The following HUWE1 variants were observed in gnomAD, a reference collection of about 807,000 sequenced individuals.
HUWE1 encodes the protein HECT, UBA and WWE domain containing E3 ubiquitin protein ligase 1.
HUWE1 carries 18 observed loss-of-function variants against 299.4 expected under a neutral mutation model. The ratio of observed to expected loss-of-function variants is 0.06; its 90% CI spans 0.04 to 0.09. The LOEUF is 0.09. HUWE1 is among the 10% of genes least tolerant of loss of function. The probability of loss-of-function intolerance (pLI) is 1.00; values close to 1 mark genes in which losing one functional copy is unlikely to be tolerated. For synonymous variants in HUWE1, 1,317 were observed against 1,286.1 expected, an observed-to-expected ratio of 1.02 and a Z score of -0.51; for missense variants, 1,832 against 3,462.3, an observed-to-expected ratio of 0.53 and a Z score of 11.82.
At chrX:53,546,213 G>A (rs1369558209) in intron 70 of HUWE1, among the ~76,000 whole-genome samples, 2 of 111,036 alleles carry the variant, frequency 1.8e-5, no homozygotes, top group African/African-American at 3.3e-5. Context: ...GCCGGGCAGC[G>A]GGGATGAGGA....
rs2062687379 is a variant in HUWE1, at chrX:53,568,790, C to T, written c.6609G>A (p.Lys2203=). 1 of 1,210,035 alleles carries T rather than the reference C, an allele frequency of 8.3e-7. No homozygotes were observed. Among genetic ancestry groups the T allele is most frequent in the Non-Finnish European group, 1.1e-6 (1 of 894,434 alleles). Residue 2203 remains lysine (K), a synonymous_variant, in exon 49 of 84, where the codon AAG becomes AAA. Transcript: ENST00000262854. ...TSSFYSSATA[K]TQHNGMNNII... is the part of the protein sequence containing the mutation. Reference sequence around the variant, plus strand: ...TGTTGTTCATGCCATTGTGCTGGGTCTTCGCTGTGGCACTGCTGTAGAAGC... The same window carrying T: ...TGTTGTTCATGCCATTGTGCTGGGTTTTCGCTGTGGCACTGCTGTAGAAGC...
chrX:53,683,674 T>A (rs1557054423), intron 2 of HUWE1, among the ~76,000 whole-genome samples: 1 of 111,867 alleles, frequency 8.9e-6, no homozygotes, highest in East Asian at 2.8e-4. Context: ...GGTCTTCGCC[T>A]CAGGTCTAGT....
At chrX:53,576,779 C>A in intron 44 of HUWE1, 121 bp downstream of exon 44, 1 of 667,450 alleles carries the variant, frequency 1.5e-6, no homozygotes, top group Non-Finnish European at 2.4e-6. Context: ...TCTTATTCAT[C>A]TTGAGCCCCA....
In HUWE1 at chrX:53,546,423, C is replaced by T; in HGVS notation, c.10915+13G>A. The T allele has an allele frequency of 8.3e-7, 1 of 1,204,688 alleles. No individual in the cohort carries two copies. Among genetic ancestry groups the T allele is most frequent in the Non-Finnish European group, 1.1e-6 (1 of 890,161 alleles). On this transcript the variant is annotated intron_variant, in intron 70 of 83. Coordinates refer to ENST00000262854, the MANE Select transcript of HUWE1 (RefSeq NM_031407.7). ...ACCTTCAGAAAGAGAAAATGCTTTA[C>T]TTCTGCTATTACCTATTTGTTTACA...
At chrX:53,584,716 T>G (rs952734608) in intron 40 of HUWE1, among the ~76,000 whole-genome samples, 1 of 111,297 alleles carries the variant, frequency 9.0e-6, no homozygotes, top group Admixed American at 9.5e-5. Context: ...TAATGGTAAC[T>G]CTCCTCCTCC....
chrX:53,567,964 G>T (rs2062647340), intron 49 of HUWE1, among the ~76,000 whole-genome samples: 1 of 111,848 alleles, frequency 8.9e-6, no homozygotes, highest in Non-Finnish European at 1.9e-5. Context: ...GGAAGTAAAG[G>T]ATTAAGTTAA....
Position 53,534,086 on chromosome X carries a change from C to T in HUWE1, c.12943G>A (p.Glu4315Lys), listed in dbSNP as rs782448394. Residue 4315 changes from glutamate (E) to lysine (K), a missense_variant, in exon 83 of 84, where the codon GAA (glutamate) becomes AAA (lysine). Glu to Lys is a moderately conservative substitution (Grantham distance 56). This residue lies in a region of HUWE1 where 129 missense variants were observed against 439.4 expected (regional missense o/e 0.29). Coordinates refer to ENST00000262854, the MANE Select transcript of HUWE1 (RefSeq NM_031407.7). ...AACTTCTGAATGCCATTCATGCCTT[C>T]GAGGGCAGCAAAGCCTTGCAGGGGT... ...KVPLQGFAAL[E>K]GMNGIQKFQI... 4 of 1,209,130 alleles carry T rather than the reference C, an allele frequency of 3.3e-6. No individual in the cohort carries two copies. The highest frequency in any genetic ancestry group is 1.8e-5 in the African/African-American group (1 of 57,119).
intron 47 of HUWE1, among the ~76,000 whole-genome samples, chrX:53,572,559 C>A (rs782219290): frequency 9.0e-6 from 1 of 111,549 alleles, no homozygotes; most frequent in Non-Finnish European, 1.9e-5. Flanking sequence ...AACAAGGCAC[C>A]CTTACGGGAA....
intron 16 of HUWE1, 100 bp from the exon 17 acceptor site, chrX:53,627,615 G>T: frequency 1.3e-6 from 1 of 795,779 alleles, no homozygotes; most frequent in South Asian, 2.6e-5. Context: ...ACTGCAAGCA[G>T]ATACACAGTT....
intron 25 of HUWE1, among the ~76,000 whole-genome samples, chrX:53,605,796 G>C (rs1191822304): frequency 8.9e-6 from 1 of 111,829 alleles, no homozygotes; most frequent in Non-Finnish European, 1.9e-5. Flanking sequence ...GATCAAAACT[G>C]TGATACTGGC....
Position 53,647,910 on chromosome X carries a change from T to C in HUWE1, c.144+302A>G, listed in dbSNP as rs782468436. Among the ~76,000 whole-genome samples, 7 of 112,448 alleles carry C rather than the reference T, an allele frequency of 6.2e-5. No individual in the cohort carries two copies. The South Asian group carries it at 2.6e-3, about 41-fold the overall frequency. ...TATCAGAAAAATTCATTTTTAGAGT[T>C]ATCTAATAAAAATTCTTCTAAACTA... is the stretch of plus-strand genomic sequence containing the variant. On this transcript the variant is annotated intron_variant, in intron 5 of 83. Transcript: ENST00000262854.
chrX:53,621,713 T>C (rs1313029157), intron 19 of HUWE1, among the ~76,000 whole-genome samples: 1 of 111,545 alleles, frequency 9.0e-6, no homozygotes, highest in Non-Finnish European at 1.9e-5. Flanking sequence ...TCACTCAACC[T>C]GATAGATTGT....
At chrX:53,536,784 A>C (rs781881618) in intron 78 of HUWE1, 117 bp from the exon 79 acceptor site, 77 of 648,657 alleles carry the variant, frequency 1.2e-4, no homozygotes, top group Non-Finnish European at 1.8e-4. Flanking sequence ...TCAGATGAAG[A>C]GGTAAACAGA....
chrX:53,595,972 A>C (rs1210427984), intron 29 of HUWE1, among the ~76,000 whole-genome samples: 1 of 112,443 alleles, frequency 8.9e-6, no homozygotes, highest in Admixed American at 9.4e-5. Context: ...AAGGCAGCAT[A>C]CAAATATAAA....
At chrX:53,596,381 T>C (rs969093639) in intron 29 of HUWE1, among the ~76,000 whole-genome samples, 8 of 112,234 alleles carry the variant, frequency 7.1e-5, no homozygotes, top group African/African-American at 2.3e-4. Flanking sequence ...GCATAAAATA[T>C]ATGTAGATAC....
chrX:53,549,195 G>A lies in HUWE1; in HGVS notation c.9799C>T (p.Arg3267Cys), dbSNP rs1296945907. Residue 3267 changes from arginine (R) to cysteine (C), a missense_variant, in exon 67 of 84, where the codon CGT (arginine) becomes TGT (cysteine). Coordinates refer to ENST00000262854, the MANE Select transcript of HUWE1 (RefSeq NM_031407.7). ...ATCTTGTGTAGCAGGTCCAGGGGAC[G>A]GTTCTCATGGCTACTTGACCCACAG... ...KSCGSSSHEN[R>C]PLDLLHKMES... 3 of 1,210,435 alleles carry A rather than the reference G, an allele frequency of 2.5e-6. No homozygotes were observed. Among genetic ancestry groups the A allele is most frequent in the Admixed American group, 2.2e-5 (1 of 45,864 alleles).
chrX:53,569,653 C>T lies in HUWE1; in HGVS notation c.6487G>A (p.Ala2163Thr). The change falls in exon 48 of 84, where the codon GCA becomes ACA. Residue 2163 changes from alanine to threonine, a missense_variant. Around this residue, in one of 15 missense-constraint regions of HUWE1, gnomAD observed 157 missense variants for 252.3 expected, o/e 0.62. Transcript: ENST00000262854. ...TCTGTACTCTCAGCCATAGCCAGTGCCCGTCCAAGGGCTGCTTTTACTTCA... is the reference window on the plus strand; with the variant it reads ...TCTGTACTCTCAGCCATAGCCAGTGTCCGTCCAAGGGCTGCTTTTACTTCA... ...VNEVKAALGR[A>T]LAMAESTEKH... is the part of the protein sequence containing the mutation. 8.3e-7 allele frequency: 1 copy of T among 1,211,906 alleles called. No homozygotes were observed. The highest frequency in any genetic ancestry group is 1.1e-6 in the Non-Finnish European group (1 of 895,402).
At chrX:53,675,176 G>A (rs1557050691) in intron 3 of HUWE1, among the ~76,000 whole-genome samples, 3 of 110,917 alleles carry the variant, frequency 2.7e-5, no homozygotes, top group African/African-American at 9.9e-5. Flanking sequence ...GTACATTAAG[G>A]GTAGGGTATA....
At chrX:53,584,643 G>C (rs1417167013) in intron 40 of HUWE1, among the ~76,000 whole-genome samples, 1 of 111,463 alleles carries the variant, frequency 9.0e-6, no homozygotes, top group Non-Finnish European at 1.9e-5. Context: ...AATTGCTACA[G>C]ACCCAAGGTC....
Sources: gnomAD v4.1 joint callset for allele counts (sites outside exome capture counted in the v4.1 genomes callset) on GRCh38, gnomAD v4.1.1 for gene constraint, gnomAD v4.1.1 regional missense constraint, MANE v1.5 for transcripts, NCBI Gene and HGNC (gene_info 2026-07-23, HGNC 2026-07-21) for gene names.